The following USP34 variants were observed in gnomAD, a reference collection of about 807,000 sequenced individuals.
USP34 encodes ubiquitin carboxyl-terminal hydrolase 34.
A neutral mutation model predicts 460.3 loss-of-function variants in USP34; 70 were observed. That is an observed-to-expected ratio of 0.15 (90% CI 0.13 to 0.19). The LOEUF (loss-of-function observed/expected upper bound fraction) is 0.19, where lower values mean the gene tolerates loss of function less well. Among genes scored for constraint, USP34 ranks in the 10% least tolerant of loss-of-function variants. The pLI is 1.00. For missense variants in USP34, 3,985 were observed against 4,236.2 expected, an observed-to-expected ratio of 0.94 and a Z score of 1.65; for synonymous variants, 1,647 against 1,405.3, an observed-to-expected ratio of 1.17 and a Z score of -3.85.
intron 1 of USP34, among the ~76,000 whole-genome samples, chr2:61,438,465 T>C (rs1406169662): frequency 6.6e-6 from 1 of 151,874 alleles, no homozygotes; most frequent in African/African-American, 2.4e-5. Context: ...CTACAAAAAT[T>C]AGCCACAAGC....
At chr2:61,230,182 T>C (rs1272191620) in intron 58 of USP34, among the ~76,000 whole-genome samples, 8 of 152,164 alleles carry the variant, frequency 5.3e-5, no homozygotes, top group Admixed American at 4.6e-4. Context: ...ATGGTGAAAT[T>C]AGAACACTTA....
In USP34 at chr2:61,370,595, G is replaced by A; in HGVS notation, c.1077-16C>T. On this transcript the variant is annotated splice_polypyrimidine_tract_variant and intron_variant, in intron 8 of 79. Coordinates refer to ENST00000398571, the MANE Select transcript of USP34 (RefSeq NM_014709.4). The stretch of plus-strand genomic sequence containing the variant: ...TGCAATGGACCTAAAGTCAAGCAAT[G>A]AAAATAGTACATTAAAAAAAATTGT... 2 of 1,607,792 alleles carry A rather than the reference G, an allele frequency of 1.2e-6. No individual in the cohort carries two copies. The highest frequency in any genetic ancestry group is 1.7e-6 in the Non-Finnish European group (2 of 1,177,824).
At chr2:61,262,174 C>T (rs1688909459) in intron 43 of USP34, among the ~76,000 whole-genome samples, 1 of 138,694 alleles carries the variant, frequency 7.2e-6, no homozygotes, top group East Asian at 2.1e-4. Context: ...TATATGTACA[C>T]AGGTCTCCTT....
At chr2:61,439,742 C>T (rs562807635) in intron 1 of USP34, among the ~76,000 whole-genome samples, 7 of 152,168 alleles carry the variant, frequency 4.6e-5, no homozygotes, top group African/African-American at 1.4e-4. Context: ...TGTGTCTCAC[C>T]GCAGGGAGGC....
chr2:61,342,937 T>C (rs1436681412), intron 16 of USP34, among the ~76,000 whole-genome samples: 1 of 152,190 alleles, frequency 6.6e-6, no homozygotes, highest in Non-Finnish European at 1.5e-5. Flanking sequence ...ATCTAACCTA[T>C]TCCTTTCTCA....
At position 61,222,893 on chromosome 2, in the gene USP34, C is replaced by T; in HGVS notation, c.7749+167G>A. 5.7e-6 allele frequency: 4 copies of T among 698,476 alleles called. No homozygotes were observed. The South Asian group carries it at 7.8e-5, about 14-fold the overall frequency. 43.3% of individuals were successfully genotyped at this position (698,476 alleles called of 1,614,324 possible). On this transcript the variant is annotated intron_variant, in intron 64 of 79. Coordinates refer to ENST00000398571, the MANE Select transcript of USP34 (RefSeq NM_014709.4). ...TCTATTTTGTGTAGAGACGGGTTCT[C>T]ACTATGTTGCCTAGGCTGGTCTCAA...
chr2:61,378,372 T>C lies in USP34; in HGVS notation c.1067A>G (p.Asp356Gly), dbSNP rs772337462. 1.3e-6 allele frequency: 2 copies of C among 1,593,464 alleles called. No homozygotes were observed. Among genetic ancestry groups the C allele is most frequent in the Non-Finnish European group, 1.7e-6 (2 of 1,171,710 alleles). ...TAATGCTCCTACTTACGTTTCTGTG[T>C]CCGATACTAATGATTCATTATTGCA... ...DVCNNESLVS[D>G]TETSIAKELA... is the part of the protein sequence containing the mutation. The change falls in exon 8 of 80, where the codon GAC becomes GGC. Residue 356 changes from aspartate (D) to glycine (G), a missense_variant. Asp to Gly is a moderately conservative substitution (Grantham distance 94). Transcript: ENST00000398571.
chr2:61,245,247 G>C lies in USP34; in HGVS notation c.6590C>G (p.Ala2197Gly). The change falls in exon 51 of 80, where the codon GCT becomes GGT. Residue 2197 changes from alanine to glycine, a missense_variant. Coordinates refer to ENST00000398571, the MANE Select transcript of USP34 (RefSeq NM_014709.4). The stretch of plus-strand genomic sequence containing the variant: ...ACCAAAACATTCAGATGCAAGTTGA[G>C]CAGAATCAAAAGGTTTTACCTCAGC... ...NDAEVKPFDS[A>G]QLASECFGGE... 6.2e-7 allele frequency: 1 copy of C among 1,609,360 alleles called. No individual in the cohort carries two copies. The highest frequency in any genetic ancestry group is 8.5e-7 in the Non-Finnish European group (1 of 1,177,850).
rs189602515 is a variant in USP34 at position 61,221,771 on chromosome 2, G to C, written c.7795-165C>G. The C allele has an allele frequency of 2.6e-5, 14 of 533,650 alleles. No individual in the cohort carries two copies. In the African/African-American group the frequency reaches 2.8e-4, roughly 11 times the overall value. The allele number at this position is 533,650 out of a possible 1,614,324, so 33.1% of individuals were successfully genotyped here. On this transcript the variant is annotated intron_variant, in intron 65 of 79. Coordinates refer to ENST00000398571, the MANE Select transcript of USP34 (RefSeq NM_014709.4). Reference sequence around the variant, plus strand: ...AACCTGAACTACCATAAAGCAGCAGGATCAGCGAGGGGTACAAAGTCAACC... The same window carrying C: ...AACCTGAACTACCATAAAGCAGCAGCATCAGCGAGGGGTACAAAGTCAACC...
At chr2:61,230,220 T>C (rs899903963) in intron 58 of USP34, among the ~76,000 whole-genome samples, 1 of 152,130 alleles carries the variant, frequency 6.6e-6, no homozygotes, top group Admixed American at 6.6e-5. Flanking sequence ...TGTCAAACAC[T>C]GCAGTCACTA....
intron 25 of USP34, 47 bp from the exon 26 acceptor site, chr2:61,311,957 C>T: frequency 6.3e-7 from 1 of 1,587,146 alleles, no homozygotes. Flanking sequence ...CATTTTAAAC[C>T]ATTTTAATGT....
chr2:61,228,763 C>T (rs1361662379), intron 60 of USP34, 44 bp from the exon 61 acceptor site: 1 of 1,594,694 alleles, frequency 6.3e-7, no homozygotes, highest in Non-Finnish European at 8.5e-7. Flanking sequence ...AAAATAAAAG[C>T]AATTAAGTTG....
chr2:61,365,331 A>ATATGTATG (rs905419654), intron 10 of USP34, among the ~76,000 whole-genome samples: 1 of 151,826 alleles, frequency 6.6e-6, no homozygotes, highest in Admixed American at 6.6e-5. Flanking sequence ...GTGTGTGTAT[A>ATATGTATG]TATGTATGTA....
chr2:61,417,346 G>A (rs1266007898), intron 2 of USP34: 5 of 618,556 alleles, frequency 8.1e-6, no homozygotes, highest in East Asian at 2.8e-5. Flanking sequence ...ACCCCCATAA[G>A]GAAAGGAATT....
In USP34 at chr2:61,405,965, T is replaced by C. The variant is rs1693858608; in HGVS notation, c.295A>G (p.Asn99Asp). 1 of 1,613,658 alleles carries C rather than the reference T, an allele frequency of 6.2e-7. No homozygotes were observed. The highest frequency in any genetic ancestry group is 1.3e-5 in the African/African-American group (1 of 74,834). ...ATATTCAGTGGTTCTTCTGCTTGAT[T>C]ACTCTCATCTTGCCACGTGGAATCT... ...NIDSTWQDES[N>D]QAEEPLNIDR... The change falls in exon 3 of 80, where the codon AAT (asparagine) becomes GAT (aspartate). Residue 99 changes from asparagine (N) to aspartate (D), a missense_variant. Physicochemically the swap from Asn to Asp is conservative, Grantham distance 23. Transcript: ENST00000398571.
At chr2:61,200,702 C>T (rs948705251) in intron 75 of USP34, 3 of 152,190 alleles carry the variant, frequency 2.0e-5, no homozygotes, top group African/African-American at 7.2e-5. Context: ...TTAAACTTAC[C>T]CTTTTCATTT....
At chr2:61,408,926 T>C (rs1038122661) in intron 2 of USP34, among the ~76,000 whole-genome samples, 4 of 151,784 alleles carry the variant, frequency 2.6e-5, no homozygotes, top group African/African-American at 9.7e-5. Flanking sequence ...AGTGAGGTCA[T>C]AAACTTGAGT....
chr2:61,391,466 T>C (rs1477353949), intron 5 of USP34, among the ~76,000 whole-genome samples: 2 of 152,212 alleles, frequency 1.3e-5, no homozygotes, highest in African/African-American at 4.8e-5. Flanking sequence ...TCAGTAACGT[T>C]AGTCCGTATC....
chr2:61,252,255 A>G (rs1471122774), intron 48 of USP34, among the ~76,000 whole-genome samples: 1 of 152,184 alleles, frequency 6.6e-6, no homozygotes, highest in Non-Finnish European at 1.5e-5. Context: ...GAATGACCCT[A>G]TATAAGTTAC....
Sources: allele counts gnomAD v4.1 joint callset (sites outside exome capture counted in the v4.1 genomes callset), GRCh38; gene constraint gnomAD v4.1.1; transcripts MANE v1.5; gene names NCBI Gene and HGNC (gene_info 2026-07-23, HGNC 2026-07-21).